The following COX4I1 variants were observed in gnomAD, a reference collection of about 807,000 sequenced individuals.
The protein encoded by COX4I1 is cytochrome c oxidase subunit 4 isoform 1, mitochondrial.
Under a neutral mutation model 21.7 loss-of-function variants are expected in COX4I1, and 18 were observed. The ratio of observed to expected loss-of-function variants is 0.83; its 90% confidence interval spans 0.57 to 1.23. The LOEUF is 1.23. Ranked by LOEUF, COX4I1 falls within the 50% of genes most tolerant of loss-of-function variation. The pLI, the probability that COX4I1 is intolerant of heterozygous loss-of-function variation, is 0.00. For synonymous variants in COX4I1, 100 were observed against 81.5 expected (o/e 1.23, Z -1.23); for missense variants, 238 against 220.7 (o/e 1.08, Z -0.50).
At chr16:85,804,243 T>C (rs1905989950) in intron 2 of COX4I1, 1 of 152,296 alleles carries the variant, frequency 6.6e-6, no homozygotes, top group South Asian at 2.1e-4. Context: ...TTTTATTGTT[T>C]TTGTTCTTCC....
chr16:85,805,131 C>A (rs746016496), intron 3 of COX4I1, 27 bp downstream of exon 3: 1 of 1,596,842 alleles, frequency 6.3e-7, no homozygotes, highest in Admixed American at 1.8e-5. Context: ...CCCACAGGCG[C>A]GCCCAGCAGC....
At position 85,806,313 on chromosome 16, in the gene COX4I1, G is replaced by C. The variant is rs147334152; in HGVS notation, c.374-425G>C. The C allele has an allele frequency of 2.5e-3, 1,541 of 611,552 alleles. 12 individuals carry two copies. In the African/African-American group the frequency reaches 0.026, roughly 10 times the overall value. 37.9% of individuals were successfully genotyped at this position (611,552 alleles called of 1,614,324 possible). ...GTGTGTGGGCATTGCCGGGTTGCTC[G>C]CTCGTGGTAATGACTCTTCCCCGAG... On this transcript the variant is annotated intron_variant, in intron 4 of 4. Transcript: ENST00000253452.
intron 3 of COX4I1, 69 bp from the exon 4 acceptor site, chr16:85,805,664 G>A: frequency 6.3e-7 from 1 of 1,598,450 alleles, no homozygotes; most frequent in Non-Finnish European, 8.6e-7. Flanking sequence ...GGGGAGAAGT[G>A]GTTGAATGTT....
intron 2 of COX4I1, among the ~76,000 whole-genome samples, chr16:85,801,697 T>G (rs1056527053): frequency 6.6e-6 from 1 of 151,582 alleles, no homozygotes; most frequent in African/African-American, 2.4e-5. Flanking sequence ...CTGAGCTGGG[T>G]TTTCATCTCA....
chr16:85,805,982 A>T, intron 4 of COX4I1, 118 bp downstream of exon 4: 1 of 1,388,378 alleles, frequency 7.2e-7, no homozygotes, highest in Non-Finnish European at 9.9e-7. Context: ...ACTGCATTCC[A>T]GAGTTCATCT....
intron 4 of COX4I1, 23 bp downstream of exon 4, chr16:85,805,887 A>G: frequency 6.2e-7 from 1 of 1,613,742 alleles, no homozygotes; most frequent in Non-Finnish European, 8.5e-7. Flanking sequence ...GGAGGAAGGC[A>G]TGGGCGCCTG....
chr16:85,802,969 G>A (rs1038642120), intron 2 of COX4I1: 4 of 152,178 alleles, frequency 2.6e-5, no homozygotes, highest in African/African-American at 7.2e-5. Context: ...TTTACAAGAT[G>A]TAATTCATAT....
intron 3 of COX4I1, chr16:85,805,438 A>G (rs1477789667): frequency 7.4e-6 from 4 of 538,580 alleles, no homozygotes; most frequent in Non-Finnish European, 1.3e-5. Flanking sequence ...GGGCAGAAAA[A>G]TAACAAGATT....
rs1447930734 is a variant in COX4I1, at chr16:85,805,596, G to GT, written c.242-136dup. The GT allele has an allele frequency of 7.1e-6, 9 of 1,266,362 alleles. No individual in the cohort carries two copies. The African/African-American group carries it at 1.3e-4, about 19-fold the overall frequency. The allele number at this position is 1,266,362 out of a possible 1,614,324, so 78.4% of individuals were successfully genotyped here. Reference sequence around the variant, plus strand: ...GTGCACGTACGTGCGTGAACATGATGTGGCCTGGGTTGGTGTATCCTTCAG... The same window carrying GT: ...GTGCACGTACGTGCGTGAACATGATGTTGGCCTGGGTTGGTGTATCCTTCAG... On this transcript the variant is annotated intron_variant, in intron 3 of 4. Transcript: ENST00000253452.
chr16:85,801,095 G>C, intron 1 of COX4I1, 110 bp from the exon 2 acceptor site: 1 of 785,966 alleles, frequency 1.3e-6, no homozygotes, highest in Non-Finnish European at 2.2e-6. Flanking sequence ...GATCATTTGC[G>C]TTGGGGAGAA....
chr16:85,804,158 C>G (rs1264053745), intron 2 of COX4I1: 1 of 152,262 alleles, frequency 6.6e-6, no homozygotes, highest in African/African-American at 2.4e-5. Context: ...TGGTTGGACA[C>G]AGGTTCCCTG....
At chr16:85,802,581 C>T (rs992734794) in intron 2 of COX4I1, among the ~76,000 whole-genome samples, 1 of 152,126 alleles carries the variant, frequency 6.6e-6, no homozygotes, top group Non-Finnish European at 1.5e-5. Flanking sequence ...TCTGGAATAC[C>T]ATCAGCCGTC....
intron 2 of COX4I1, 89 bp from the exon 3 acceptor site, chr16:85,804,848 A>G: frequency 2.5e-6 from 3 of 1,202,454 alleles, no homozygotes; most frequent in Non-Finnish European, 3.5e-6. Context: ...AGGCGTGCAC[A>G]TGTCTGTGTT....
intron 2 of COX4I1, 63 bp downstream of exon 2, chr16:85,801,341 A>C: frequency 6.9e-7 from 1 of 1,443,338 alleles, no homozygotes; most frequent in Non-Finnish European, 9.7e-7. Flanking sequence ...CCTGCTGTGT[A>C]TAAAGCCCTG....
intron 1 of COX4I1, among the ~76,000 whole-genome samples, chr16:85,800,657 C>T (rs1321964795): frequency 1.3e-5 from 2 of 152,142 alleles, no homozygotes; most frequent in Non-Finnish European, 2.9e-5. Context: ...GACTCTTGCT[C>T]TGGTTGCCCA....
intron 2 of COX4I1, chr16:85,804,342 G>A (rs1251528984): frequency 6.6e-6 from 1 of 152,276 alleles, no homozygotes; most frequent in Non-Finnish European, 1.5e-5. Flanking sequence ...ACGTCTGCAG[G>A]TAACTGGTTT....
rs1906255362 is a variant in COX4I1 at position 85,806,880 on chromosome 16, G to A, written c.*6G>A. ...AGAACGAGTGGAAGAAGTGAGAGAT[G>A]CTGGCCTGCGCCTGCACCTGCGCCT... On this transcript the variant is annotated 3_prime_UTR_variant, in exon 5 of 5. Coordinates refer to ENST00000253452, the MANE Select transcript of COX4I1 (RefSeq NM_001861.6). 6.2e-7 allele frequency: 1 copy of A among 1,610,382 alleles called. No homozygotes were observed. The highest frequency in any genetic ancestry group is 1.1e-5 in the South Asian group (1 of 90,560).
At chr16:85,805,566 C>T (rs1906124114) in intron 3 of COX4I1, 167 bp from the exon 4 acceptor site, 5 of 923,650 alleles carry the variant, frequency 5.4e-6, no homozygotes, top group African/African-American at 3.3e-5. Context: ...TGCGTGGGCA[C>T]GTGTGTGCAC....
At chr16:85,804,818 T>G in intron 2 of COX4I1, 119 bp from the exon 3 acceptor site, 4 of 840,068 alleles carry the variant, frequency 4.8e-6, no homozygotes, top group African/African-American at 1.7e-5. Flanking sequence ...TGTGACCCCC[T>G]GAGATGATCC....
Sources: allele counts gnomAD v4.1 joint callset (sites outside exome capture counted in the v4.1 genomes callset), GRCh38; gene constraint gnomAD v4.1.1; transcripts MANE v1.5; gene names NCBI Gene and HGNC (gene_info 2026-07-23, HGNC 2026-07-21).